The following MANEAL variants were observed in gnomAD, a reference collection of about 807,000 sequenced individuals.
MANEAL encodes mannosidase endo-alpha like.
A neutral mutation model predicts 35.9 loss-of-function variants in MANEAL; 28 were observed. The ratio of observed to expected loss-of-function variants is 0.78; its 90% confidence interval spans 0.58 to 1.07. The LOEUF (loss-of-function observed/expected upper bound fraction) is 1.07, where lower values mean the gene tolerates loss of function less well. Ranked by LOEUF, MANEAL falls within the 50% of genes least tolerant of loss-of-function variation. The pLI, the probability that MANEAL is intolerant of heterozygous loss-of-function variation, is 0.00. For missense variants in MANEAL, 576 were observed against 629.6 expected, an observed-to-expected ratio of 0.91 and a Z score of 0.91; for synonymous variants, 286 against 272.2, an observed-to-expected ratio of 1.05 and a Z score of -0.50.
chr1:37,794,175 A>C lies in MANEAL; in HGVS notation c.-8A>C. 1.6e-6 allele frequency: 2 copies of C among 1,231,728 alleles called. No homozygotes were observed. The highest frequency in any genetic ancestry group is 4.5e-5 in the East Asian group (1 of 22,450). 76.3% of individuals were successfully genotyped at this position (1,231,728 alleles called of 1,614,324 possible). On this transcript the variant is annotated 5_prime_UTR_variant, in exon 1 of 4. Transcript: ENST00000373045. This position sits in a 1 kb window ranked among gnomAD's most constrained non-coding sequence, Gnocchi z 5.7. ...TAGCGCGGCGGCTGCAGGAGCGCAC[A>C]GTCGGCCATGGCCCGGCGGCGGCGC...
intron 3 of MANEAL, among the ~76,000 whole-genome samples, chr1:37,798,940 G>A (rs749080436): frequency 1.3e-5 from 2 of 152,006 alleles, no homozygotes; most frequent in Non-Finnish European, 2.9e-5. Context: ...TTGAGAGGCT[G>A]AGGCAGGTGA....
chr1:37,796,634 C>A, intron 2 of MANEAL, 110 bp from the exon 3 acceptor site: 1 of 1,032,036 alleles, frequency 9.7e-7, no homozygotes, highest in South Asian at 1.5e-5. Flanking sequence ...CACTGCCAGG[C>A]CCTCTTCTGA....
chr1:37,798,894 G>A (rs1646670008), intron 3 of MANEAL, among the ~76,000 whole-genome samples: 1 of 151,666 alleles, frequency 6.6e-6, no homozygotes, highest in East Asian at 1.9e-4. Context: ...CAAAAATTAG[G>A]CAGGTATGGT....
chr1:37,796,667 T>G (rs1480098759), intron 2 of MANEAL, 77 bp from the exon 3 acceptor site: 2 of 1,335,738 alleles, frequency 1.5e-6, no homozygotes, highest in Non-Finnish European at 2.1e-6. Flanking sequence ...CTCCAGGCCA[T>G]GGTTAGATCC....
chr1:37,799,725 G>C lies in MANEAL; in HGVS notation c.896G>C (p.Gly299Ala). Residue 299 changes from glycine to alanine, a missense_variant, in exon 4 of 4, where the codon GGG becomes GCG. Coordinates refer to ENST00000373045, the MANE Select transcript of MANEAL (RefSeq NM_001113482.2). This position sits in a 1 kb window ranked among gnomAD's most constrained non-coding sequence, Gnocchi z 4.1. Reference sequence around the variant, plus strand: ...TCGATCCGCAACACGCCCTACGATGGGGTCTTCATAGCGCTGCTGGTGGAG... The same window carrying C: ...TCGATCCGCAACACGCCCTACGATGCGGTCTTCATAGCGCTGCTGGTGGAG... ...PHSIRNTPYDGVFIALLVEEG... is the reference protein window; with the variant it reads ...PHSIRNTPYDAVFIALLVEEG... 1 of 1,614,208 alleles carries C rather than the reference G, an allele frequency of 6.2e-7. No homozygotes were observed. The highest frequency in any genetic ancestry group is 8.5e-7 in the Non-Finnish European group (1 of 1,180,042).
In MANEAL at chr1:37,800,083, C is replaced by G. The variant is rs147718729; in HGVS notation, c.1254C>G (p.Pro418=). The stretch of plus-strand genomic sequence containing the variant: ...GCACCCAGATTGAGAAGGCCATTCC[C>G]AAGAAGACACCCACCCGCCTGTATT... ...HEGTQIEKAI[P]KKTPTRLYLD... is the part of the protein sequence containing the mutation. Residue 418 remains proline (P), a synonymous_variant, in exon 4 of 4, where the codon CCC becomes CCG. Coordinates refer to ENST00000373045, the MANE Select transcript of MANEAL (RefSeq NM_001113482.2). 6.6e-5 allele frequency: 106 copies of G among 1,613,992 alleles called. No individual in the cohort carries two copies. In the African/African-American group the frequency reaches 1.2e-3, roughly 18 times the overall value.
In MANEAL at chr1:37,800,023, C is replaced by T. The variant is rs879936658; in HGVS notation, c.1194C>T (p.Ile398=). The T allele has an allele frequency of 6.8e-6, 11 of 1,614,090 alleles. No individual in the cohort carries two copies. Among genetic ancestry groups the T allele is most frequent in the Non-Finnish European group, 9.3e-6 (11 of 1,180,044 alleles). Residue 398 remains isoleucine (I), a synonymous_variant, in exon 4 of 4, where the codon ATC becomes ATT. Coordinates refer to ENST00000373045, the MANE Select transcript of MANEAL (RefSeq NM_001113482.2). The part of the protein sequence containing the change: ...LQAALTVRPE[I]VSITSFNEWH... ...CGGCCCTGACAGTGAGGCCCGAGAT[C>T]GTTTCCATTACCTCCTTCAATGAGT...
rs1405098895 is a variant in MANEAL, at chr1:37,799,679, C to T, written c.850C>T (p.Leu284=). The change falls in exon 4 of 4, where the codon CTG becomes TTG. Residue 284 remains leucine (L), a synonymous_variant. Coordinates refer to ENST00000373045, the MANE Select transcript of MANEAL (RefSeq NM_001113482.2). This position sits in a 1 kb window ranked among gnomAD's most constrained non-coding sequence, Gnocchi z 4.1. The part of the protein sequence containing the change: ...LTSPEAWAHL[L]TPNGPHSIRN... ...GTCCCCTGAGGCCTGGGCCCACCTC[C>T]TGACACCAAACGGGCCCCATTCGAT... 6.2e-7 allele frequency: 1 copy of T among 1,614,248 alleles called. No homozygotes were observed. Among genetic ancestry groups the T allele is most frequent in the Admixed American group, 1.7e-5 (1 of 60,026 alleles).
intron 1 of MANEAL, chr1:37,795,515 T>G: frequency 7.3e-7 from 1 of 1,375,404 alleles, no homozygotes; most frequent in South Asian, 1.5e-5. Flanking sequence ...CCTTCCGGCC[T>G]GGCGCGCTAC....
chr1:37,794,751 G>A lies in MANEAL; in HGVS notation c.550+19G>A, dbSNP rs564608979. 4 of 1,515,164 alleles carry A rather than the reference G, an allele frequency of 2.6e-6. No homozygotes were observed. Among genetic ancestry groups the A allele is most frequent in the African/African-American group, 2.8e-5 (2 of 72,676 alleles). The allele number at this position is 1,515,164 out of a possible 1,614,324, so 93.9% of individuals were successfully genotyped here. A position where few individuals can be genotyped will look rare whatever the true frequency, so the allele number is the denominator to read the frequency against. The stretch of plus-strand genomic sequence containing the variant: ...GCCATCGGTGAGCGCCCCCCACCCC[G>A]GGCGGCCCTGCCCCCCAGCCTCACC... On this transcript the variant is annotated intron_variant, in intron 1 of 3. Transcript: ENST00000373045. This position sits in a 1 kb window ranked among gnomAD's most constrained non-coding sequence, Gnocchi z 5.7.
At chr1:37,795,599 G>T (rs1445106138) in intron 1 of MANEAL, 138 bp from the exon 2 acceptor site, 1 of 1,495,564 alleles carries the variant, frequency 6.7e-7, no homozygotes, top group Non-Finnish European at 8.9e-7. Context: ...GGACTCATCT[G>T]CAGGAAGTGA....
rs1311876817 is a variant in MANEAL, at chr1:37,794,832, C to T, written c.550+100C>T. 1.3e-6 allele frequency: 1 copy of T among 758,330 alleles called. No individual in the cohort carries two copies. The highest frequency in any genetic ancestry group is 1.7e-5 in the African/African-American group (1 of 57,388). 47.0% of individuals were successfully genotyped at this position (758,330 alleles called of 1,614,324 possible). A position where few individuals can be genotyped will look rare whatever the true frequency, so the allele number is the denominator to read the frequency against. ...GGTCCTGTCACCGGCCCTTTGGTCC[C>T]ACTTATCCGCCAGCCTGGCTTCTTA... On this transcript the variant is annotated intron_variant, in intron 1 of 3. Transcript: ENST00000373045. This position sits in a 1 kb window ranked among gnomAD's most constrained non-coding sequence, Gnocchi z 5.7.
At chr1:37,797,260 G>A (rs1646652914) in intron 3 of MANEAL, among the ~76,000 whole-genome samples, 1 of 151,806 alleles carries the variant, frequency 6.6e-6, no homozygotes, top group Non-Finnish European at 1.5e-5. Flanking sequence ...AATTAGCCAG[G>A]CGTGGTGGCG....
rs759251836 is a variant in MANEAL, at chr1:37,796,705, T to TA, written c.661-38dup. 11 of 1,560,970 alleles carry TA rather than the reference T, an allele frequency of 7.0e-6. No individual in the cohort carries two copies. In the South Asian group the frequency reaches 1.3e-4, roughly 18 times the overall value. On this transcript the variant is annotated intron_variant, in intron 2 of 3. Coordinates refer to ENST00000373045, the MANE Select transcript of MANEAL (RefSeq NM_001113482.2). The stretch of plus-strand genomic sequence containing the variant: ...AGCCTGATATGTTGTGGCCCCTAGA[T>TA]AGACACTCACCTGACCATTACTCCT...
rs1569816701 is a variant in MANEAL, at chr1:37,800,209, C to T, written c.*6C>T. On this transcript the variant is annotated 3_prime_UTR_variant, in exon 4 of 4. Transcript: ENST00000373045. Reference sequence around the variant, plus strand: ...AGGAGCAGTGGCTCATGTGAGGGGCCTGTAAATGGGCGTGAGGTGCTGATG... The same window carrying T: ...AGGAGCAGTGGCTCATGTGAGGGGCTTGTAAATGGGCGTGAGGTGCTGATG... The T allele has an allele frequency of 3.1e-6, 5 of 1,610,892 alleles. No individual in the cohort carries two copies. Among genetic ancestry groups the T allele is most frequent in the Non-Finnish European group, 4.2e-6 (5 of 1,179,380 alleles).
At position 37,795,906 on chromosome 1, in the gene MANEAL, C is replaced by T. The variant is rs1646642026; in HGVS notation, c.660+60C>T. On this transcript the variant is annotated intron_variant, in intron 2 of 3. Transcript: ENST00000373045. The stretch of plus-strand genomic sequence containing the variant: ...CCTATTCTGGAGAGTTGCTCTCCTC[C>T]GCCCACAGGGTTAGTGCCTCTACAG... The T allele has an allele frequency of 4.1e-6, 6 of 1,455,844 alleles. No homozygotes were observed. The Admixed American group carries it at 5.0e-5, about 12-fold the overall frequency. The allele number at this position is 1,455,844 out of a possible 1,614,324, so 90.2% of individuals were successfully genotyped here. A position where few individuals can be genotyped will look rare whatever the true frequency, so the allele number is the denominator to read the frequency against.
intron 3 of MANEAL, among the ~76,000 whole-genome samples, chr1:37,798,111 A>G (rs1163549086): frequency 6.6e-6 from 1 of 151,460 alleles, no homozygotes; most frequent in Non-Finnish European, 1.5e-5. Flanking sequence ...CAATTACACC[A>G]CTGCATTCCA....
rs931061099 is a variant in MANEAL at position 37,799,187 on chromosome 1, G to A, written c.738-380G>A. Among the ~76,000 whole-genome samples, 44 of 152,116 alleles carry A rather than the reference G, an allele frequency of 2.9e-4. No homozygotes were observed. The highest frequency in any genetic ancestry group is 1.1e-3 in the African/African-American group (44 of 41,414). On this transcript the variant is annotated intron_variant, in intron 3 of 3. Transcript: ENST00000373045. This position sits in a 1 kb window ranked among gnomAD's most constrained non-coding sequence, Gnocchi z 4.1. ...CAAGCTTGCATGACACATGAGAGCC[G>A]GATAGAAAGGCCAGATGGGGAGTAA...
chr1:37,794,301 C>T lies in MANEAL; in HGVS notation c.119C>T (p.Pro40Leu), dbSNP rs1557572099. The T allele has an allele frequency of 7.4e-6, 9 of 1,209,674 alleles. No homozygotes were observed. Among genetic ancestry groups the T allele is most frequent in the East Asian group, 4.4e-5 (1 of 22,720 alleles). The allele number at this position is 1,209,674 out of a possible 1,614,324, so 74.9% of individuals were successfully genotyped here. ...KAPDGLPALG[P>L]GLELAPFERR... ...CCGGACGGACTCCCGGCGCTGGGCC[C>T]GGGCCTGGAGCTGGCGCCCTTTGAG... Residue 40 changes from proline (P) to leucine (L), a missense_variant, in exon 1 of 4, where the codon CCG (proline) becomes CTG (leucine). Coordinates refer to ENST00000373045, the MANE Select transcript of MANEAL (RefSeq NM_001113482.2). This position sits in a 1 kb window ranked among gnomAD's most constrained non-coding sequence, Gnocchi z 5.7.
Sources: allele counts gnomAD v4.1 joint callset (sites outside exome capture counted in the v4.1 genomes callset), GRCh38; gene constraint gnomAD v4.1.1; non-coding constraint Gnocchi (gnomAD v3.1); transcripts MANE v1.5; gene names NCBI Gene and HGNC (gene_info 2026-07-23, HGNC 2026-07-21).